Variants in PGBD5 observed in about 807,000 individuals in gnomAD.
PGBD5 encodes piggyBac transposable element derived 5.
In PGBD5, 14 loss-of-function variants were observed where a neutral mutation model predicts 47.9. The ratio of observed to expected loss-of-function variants is 0.29; its 90% CI spans 0.19 to 0.46. The LOEUF (loss-of-function observed/expected upper bound fraction) is 0.46. Ranked by LOEUF, PGBD5 falls within the 20% of genes least tolerant of loss-of-function variation. The pLI, the probability that PGBD5 is intolerant of heterozygous loss-of-function variation, is 1.00. For missense variants in PGBD5, 635 were observed against 716.0 expected, an observed-to-expected ratio of 0.89 and a Z score of 1.29; for synonymous variants, 316 against 306.3, an observed-to-expected ratio of 1.03 and a Z score of -0.33.
chr1:230,368,278 C>A, intron 1 of PGBD5: 1 of 1,188,440 alleles, frequency 8.4e-7, no homozygotes, highest in Non-Finnish European at 1.1e-6. Context: ...ATGTGTGTTG[C>A]TGAGGCCAAG....
intron 5 of PGBD5, among the ~76,000 whole-genome samples, chr1:230,329,936 A>C (rs1209323195): frequency 2.0e-5 from 3 of 152,242 alleles, no homozygotes; most frequent in African/African-American, 7.2e-5. Context: ...AGAGCAGAGA[A>C]GGTATCAACA....
intron 1 of PGBD5, among the ~76,000 whole-genome samples, chr1:230,398,792 C>T (rs563756715): frequency 1.3e-5 from 2 of 148,282 alleles, no homozygotes; most frequent in South Asian, 2.2e-4. Context: ...CAGTGCATTG[C>T]TCTCAGTCCT....
Position 230,426,056 on chromosome 1 carries a change from T to A in PGBD5, c.-128A>T. On this transcript the variant is annotated 5_prime_UTR_variant, in exon 1 of 7. Transcript: ENST00000391860. Reference sequence around the variant, plus strand: ...CCGCAGCACAGCGCCCGCCGCCCCGTGCCCGGCCGGCCCGCCGTCTTGGCC... The same window carrying A: ...CCGCAGCACAGCGCCCGCCGCCCCGAGCCCGGCCGGCCCGCCGTCTTGGCC... 1 of 332,174 alleles carries A rather than the reference T, an allele frequency of 3.0e-6. No homozygotes were observed. The highest frequency in any genetic ancestry group is 4.2e-6 in the Non-Finnish European group (1 of 238,978). 20.6% of individuals were successfully genotyped at this position (332,174 alleles called of 1,614,324 possible). A position where few individuals can be genotyped will look rare whatever the true frequency, so the allele number is the denominator to read the frequency against.
At chr1:230,358,439 A>C (rs949136458) in intron 1 of PGBD5, among the ~76,000 whole-genome samples, 1 of 152,182 alleles carries the variant, frequency 6.6e-6, no homozygotes, top group Non-Finnish European at 1.5e-5. Context: ...CCTAGGAAAA[A>C]GCAATTTTCA....
At chr1:230,391,915 G>A (rs1431594518) in intron 1 of PGBD5, among the ~76,000 whole-genome samples, 1 of 152,166 alleles carries the variant, frequency 6.6e-6, no homozygotes, top group Non-Finnish European at 1.5e-5. Context: ...CCAGAGAACG[G>A]GGCCAAGCTG....
rs552106128 is a variant in PGBD5, at chr1:230,315,582, T to C, written c.*7843A>G. ...CCCCTAAACTGGCCCATGTGTTTAG[T>C]TGTAGAATGGGGGCCAGGACTGGAC... On this transcript the variant is annotated 3_prime_UTR_variant, in exon 7 of 7. Coordinates refer to ENST00000391860, the MANE Select transcript of PGBD5 (RefSeq NM_001258311.2). 6.6e-6 allele frequency: 1 copy of C among 151,820 alleles called. No individual in the cohort carries two copies. The highest frequency in any genetic ancestry group is 1.9e-4 in the East Asian group (1 of 5,150). 9.4% of individuals were successfully genotyped at this position (151,820 alleles called of 1,614,324 possible).
intron 1 of PGBD5, among the ~76,000 whole-genome samples, chr1:230,400,345 A>C (rs1657106663): frequency 1.4e-5 from 2 of 145,330 alleles, no homozygotes; most frequent in Non-Finnish European, 1.5e-5. Flanking sequence ...CCTCCCCCAC[A>C]CTCTCAAGCC....
intron 1 of PGBD5, among the ~76,000 whole-genome samples, chr1:230,358,767 G>A (rs1667698126): frequency 6.6e-6 from 1 of 152,186 alleles, no homozygotes; most frequent in South Asian, 2.1e-4. Context: ...GTCACATGCT[G>A]CACAGGTTTG....
At chr1:230,412,058 A>G (rs1657420950) in intron 1 of PGBD5, among the ~76,000 whole-genome samples, 1 of 152,200 alleles carries the variant, frequency 6.6e-6, no homozygotes, top group Non-Finnish European at 1.5e-5. Context: ...ATGTATGAGC[A>G]CCAAGTTTTC....
At chr1:230,334,555 T>C (rs1265909750) in intron 4 of PGBD5, among the ~76,000 whole-genome samples, 1 of 152,220 alleles carries the variant, frequency 6.6e-6, no homozygotes, top group African/African-American at 2.4e-5. Flanking sequence ...AACCAGACTC[T>C]CAGCTCTGAT....
chr1:230,402,262 G>C (rs565672619), intron 1 of PGBD5, among the ~76,000 whole-genome samples: 20 of 152,334 alleles, frequency 1.3e-4, no homozygotes, highest in African/African-American at 4.8e-4. Context: ...TAGAGGGAGT[G>C]GGCCTGGGAG....
chr1:230,370,561 T>C lies in PGBD5; in HGVS notation c.332-13240A>G, dbSNP rs529583493. ...ATTCTTTGATGACAAATCTATGAGA[T>C]CTGCACTATTCTTAACACCCATTTA... On this transcript the variant is annotated intron_variant, in intron 1 of 6. Coordinates refer to ENST00000391860, the MANE Select transcript of PGBD5 (RefSeq NM_001258311.2). Among the ~76,000 whole-genome samples the C allele has an allele frequency of 2.9e-4, 44 of 152,340 alleles. 1 individual carries two copies. In the South Asian group the frequency reaches 9.1e-3, roughly 32 times the overall value.
At chr1:230,417,364 C>T (rs960159539) in intron 1 of PGBD5, among the ~76,000 whole-genome samples, 4 of 152,204 alleles carry the variant, frequency 2.6e-5, no homozygotes, top group Non-Finnish European at 4.4e-5. Context: ...ATCCCCCTCC[C>T]TGTGGGATCC....
chr1:230,403,681 A>G (rs1657201996), intron 1 of PGBD5, among the ~76,000 whole-genome samples: 1 of 152,214 alleles, frequency 6.6e-6, no homozygotes, highest in Non-Finnish European at 1.5e-5. Flanking sequence ...CCACAAGTAA[A>G]GGGAAGGTCA....
intron 3 of PGBD5, among the ~76,000 whole-genome samples, chr1:230,338,152 T>C (rs1021681808): frequency 2.0e-5 from 3 of 151,202 alleles, no homozygotes; most frequent in East Asian, 2.0e-4. Context: ...GTGGTTTCTA[T>C]GCAGACATCT....
intron 1 of PGBD5, among the ~76,000 whole-genome samples, chr1:230,383,761 AG>A (rs1656569390): frequency 6.6e-6 from 1 of 152,210 alleles, no homozygotes; most frequent in South Asian, 2.1e-4. Flanking sequence ...TGGCTTCTGA[AG>A]GGGCCTGAGC....
intron 1 of PGBD5, among the ~76,000 whole-genome samples, chr1:230,365,875 T>C (rs927307141): frequency 6.6e-6 from 1 of 152,252 alleles, no homozygotes; most frequent in Non-Finnish European, 1.5e-5. Flanking sequence ...AGGTCATGTA[T>C]GTTTACACAG....
chr1:230,318,370 T>C lies in PGBD5; in HGVS notation c.*5055A>G, dbSNP rs1344473620. The stretch of plus-strand genomic sequence containing the variant: ...AGTCAAAAGTGAGAAGCCTCAGTCA[T>C]GTTCCTGATAAGAACGGAAGGTATT... On this transcript the variant is annotated 3_prime_UTR_variant, in exon 7 of 7. Transcript: ENST00000391860. The C allele has an allele frequency of 1.3e-5, 2 of 152,234 alleles. No homozygotes were observed. The highest frequency in any genetic ancestry group is 2.4e-5 in the African/African-American group (1 of 41,450). 9.4% of individuals were successfully genotyped at this position (152,234 alleles called of 1,614,324 possible).
At chr1:230,335,034 C>A (rs935436796) in intron 4 of PGBD5, among the ~76,000 whole-genome samples, 3 of 151,990 alleles carry the variant, frequency 2.0e-5, no homozygotes, top group Admixed American at 6.5e-5. Context: ...CACAGACACA[C>A]ACACACAGGT....
Sources: gnomAD v4.1 joint callset for allele counts (sites outside exome capture counted in the v4.1 genomes callset) on GRCh38, gnomAD v4.1.1 for gene constraint, MANE v1.5 for transcripts, NCBI Gene and HGNC (gene_info 2026-07-23, HGNC 2026-07-21) for gene names.